SYNPO2: variants seen among roughly 807,000 people sequenced by gnomAD.
SYNPO2 encodes synaptopodin 2.
SYNPO2 carries 56 observed loss-of-function variants against 85.0 expected under a neutral mutation model. The ratio of observed to expected loss-of-function variants is 0.66; its 90% confidence interval spans 0.53 to 0.82. SYNPO2 has a LOEUF of 0.82. SYNPO2 is among the 40% of genes least tolerant of loss of function. The probability of loss-of-function intolerance (pLI) is 0.00; values close to 1 mark genes in which losing one functional copy is unlikely to be tolerated. For synonymous variants in SYNPO2, 602 were observed against 591.1 expected (o/e 1.02, Z -0.27); for missense variants, 1,575 against 1,534.2 (o/e 1.03, Z -0.44).
Position 119,030,830 on chromosome 4 carries a change from G to T in SYNPO2, c.2055G>T (p.Gln685His). The T allele has an allele frequency of 6.2e-7, 1 of 1,614,132 alleles. No homozygotes were observed. Among genetic ancestry groups the T allele is most frequent in the South Asian group, 1.1e-5 (1 of 91,070 alleles). Residue 685 changes from glutamine (Q) to histidine (H), a missense_variant, in exon 4 of 5, where the codon CAG becomes CAT. Physicochemically the swap from Gln to His is conservative, Grantham distance 24 (BLOSUM62 0). Coordinates refer to ENST00000307142, the MANE Select transcript of SYNPO2 (RefSeq NM_133477.3). ...CAGCAAAAAGAACAGGAATATTGCAGGAGGCCAAAAGGAGAAGCACGACAA... is the reference window on the plus strand; with the variant it reads ...CAGCAAAAAGAACAGGAATATTGCATGAGGCCAAAAGGAGAAGCACGACAA... ...SVPAKRTGILQEAKRRSTTKP... is the reference protein window; with the variant it reads ...SVPAKRTGILHEAKRRSTTKP...
At chr4:118,927,697 GAGATAGAT>G (rs70944821) in intron 1 of SYNPO2, among the ~76,000 whole-genome samples, 2,277 of 124,598 alleles carry the variant, frequency 0.018, 44 homozygotes, top group Non-Finnish European at 0.022. Context: ...ATTAAACAAT[GAGATAGAT>G]AGATAGATAG....
At position 119,057,903 on chromosome 4, in the gene SYNPO2, C is replaced by T. The variant is rs140963106; in HGVS notation, c.3755C>T (p.Pro1252Leu). Residue 1252 changes from proline to leucine, a missense_variant, in exon 5 of 5, where the codon CCA (proline) becomes CTA (leucine). Transcript: ENST00000307142. ...CCAGTAGCTGATTACAACTACAACC[C>T]ACACCCAAGGGGATGGAGACGCCAA... ...CLPVADYNYN[P>L]HPRGWRRQT 1.1e-4 allele frequency: 171 copies of T among 1,613,908 alleles called. No homozygotes were observed. Among genetic ancestry groups the T allele is most frequent in the Non-Finnish European group, 1.4e-4 (164 of 1,179,926 alleles).
At chr4:118,964,681 T>A (rs1350700944) in intron 1 of SYNPO2, among the ~76,000 whole-genome samples, 1 of 152,164 alleles carries the variant, frequency 6.6e-6, no homozygotes, top group Non-Finnish European at 1.5e-5. Flanking sequence ...TTGATTTTTT[T>A]TCTCATTAAT....
chr4:119,027,412 C>A lies in SYNPO2; in HGVS notation c.1043C>A (p.Pro348His). The A allele has an allele frequency of 6.2e-7, 1 of 1,603,930 alleles. No homozygotes were observed. The highest frequency in any genetic ancestry group is 1.1e-5 in the South Asian group (1 of 90,864). The change falls in exon 3 of 5, where the codon CCT becomes CAT. Residue 348 changes from proline (P) to histidine (H), a missense_variant. Coordinates refer to ENST00000307142, the MANE Select transcript of SYNPO2 (RefSeq NM_133477.3). Reference protein sequence around the residue: ...DPRSEKDHSRPHKHRARHARL... With the variant: ...DPRSEKDHSRHHKHRARHARL... ...CGCTCGGAAAAAGATCACAGCAGAC[C>A]TCACAAGCACCGAGCGCGGCATGCA...
intron 1 of SYNPO2, among the ~76,000 whole-genome samples, chr4:118,961,765 A>G (rs1735105302): frequency 6.6e-6 from 1 of 152,214 alleles, no homozygotes. Flanking sequence ...CAAATCACGG[A>G]CATACAAATG....
intron 1 of SYNPO2, among the ~76,000 whole-genome samples, chr4:118,870,379 A>G (rs1388152008): frequency 1.3e-5 from 2 of 152,210 alleles, no homozygotes; most frequent in East Asian, 1.9e-4. Flanking sequence ...AGCAGTTGTT[A>G]TATGTCAGGC....
intron 4 of SYNPO2, among the ~76,000 whole-genome samples, chr4:119,044,447 A>T (rs976030555): frequency 1.3e-5 from 2 of 152,098 alleles, no homozygotes; most frequent in Admixed American, 1.3e-4. Flanking sequence ...ATTGAGCATA[A>T]TTTTTTTCTA....
chr4:118,884,906 A>G (rs1280269159), upstream of SYNPO2, among the ~76,000 whole-genome samples: 1 of 152,184 alleles, frequency 6.6e-6, no homozygotes, highest in Non-Finnish European at 1.5e-5. Context: ...AGAGACCTTT[A>G]GACTGAGAGG....
chr4:119,031,042 C>T lies in SYNPO2; in HGVS notation c.2267C>T (p.Pro756Leu), dbSNP rs1738227459. ...AGCTCCTCTGCCAAACAAAAGACCC[C>T]TCCTCCTGTTGCTCCAAAACCTGCA... is the stretch of plus-strand genomic sequence containing the variant. The part of the protein sequence containing the change: ...MQSSSAKQKT[P>L]PPVAPKPAVK... Residue 756 changes from proline (P) to leucine (L), a missense_variant, in exon 4 of 5, where the codon CCT becomes CTT. By Grantham distance (98) the Pro-to-Leu change is moderately conservative (BLOSUM62 -3). Transcript: ENST00000307142. 1 of 1,613,944 alleles carries T rather than the reference C, an allele frequency of 6.2e-7. No individual in the cohort carries two copies. Among genetic ancestry groups the T allele is most frequent in the Non-Finnish European group, 8.5e-7 (1 of 1,180,016 alleles).
intron 1 of SYNPO2, among the ~76,000 whole-genome samples, chr4:118,891,414 C>T (rs1289474449): frequency 6.6e-6 from 1 of 152,152 alleles, no homozygotes; most frequent in African/African-American, 2.4e-5. Flanking sequence ...GACTAAAGAG[C>T]TATCTATAGA....
At chr4:118,951,097 T>C (rs964101938) in intron 1 of SYNPO2, among the ~76,000 whole-genome samples, 1 of 152,226 alleles carries the variant, frequency 6.6e-6, no homozygotes, top group African/African-American at 2.4e-5. Flanking sequence ...GTCTTATTTC[T>C]CTGTGTGCTT....
rs1578505794 is a variant in SYNPO2 at position 118,864,948 on chromosome 4, G to A, written c.12+14008G>A. Among the ~76,000 whole-genome samples the A allele has an allele frequency of 2.6e-5, 4 of 152,068 alleles. No individual in the cohort carries two copies. In the South Asian group the frequency reaches 8.3e-4, roughly 31 times the overall value. ...TTTCTATTTATTACTGGCTCTATTA[G>A]TAAATAATTGAAAAGCAAATATGAA... On this transcript the variant is annotated intron_variant, in intron 1 of 4. Transcript: ENST00000610556.
At chr4:119,034,140 T>G in intron 4 of SYNPO2, 1 of 985,472 alleles carries the variant, frequency 1.0e-6, no homozygotes, top group Non-Finnish European at 1.2e-6. Flanking sequence ...AAAGGAAATC[T>G]GTTGAATGCT....
intron 1 of SYNPO2, among the ~76,000 whole-genome samples, chr4:118,989,590 G>A (rs1736335579): frequency 6.6e-6 from 1 of 152,166 alleles, no homozygotes; most frequent in Admixed American, 6.5e-5. Flanking sequence ...AGTGACTTCA[G>A]CTGCAAGTAA....
rs1459058 is a variant in SYNPO2 at position 119,023,456 on chromosome 4, G to T, written c.132G>T (p.Gly44=). 778,616 of 1,612,922 alleles carry T rather than the reference G, an allele frequency of 0.48. 191,868 individuals are homozygous for T. Among genetic ancestry groups the T allele is most frequent in the South Asian group, 0.53 (47,743 of 90,926 alleles). Reference sequence around the variant, plus strand: ...TTCGAAATCAGAGCAAAGCCTCTGGGTCTGGGCTCTGTGAGGGAGATGAAG... The same window carrying T: ...TTCGAAATCAGAGCAAAGCCTCTGGTTCTGGGCTCTGTGAGGGAGATGAAG... ...AKIRNQSKAS[G]SGLCEGDEVV... The change falls in exon 2 of 5, where the codon GGG becomes GGT. Residue 44 remains glycine, a synonymous_variant. Transcript: ENST00000307142.
intron 1 of SYNPO2, among the ~76,000 whole-genome samples, chr4:118,861,220 T>A (rs1482189807): frequency 6.6e-6 from 1 of 152,130 alleles, no homozygotes; most frequent in African/African-American, 2.4e-5. Flanking sequence ...GAGTGCGATC[T>A]CGACTCACTG....
chr4:118,994,490 A>T (rs1736517327), intron 1 of SYNPO2, among the ~76,000 whole-genome samples: 2 of 152,218 alleles, frequency 1.3e-5, no homozygotes, highest in Non-Finnish European at 1.5e-5. Flanking sequence ...GAATTGAGAG[A>T]TGGAGTGACA....
chr4:118,917,969 A>G (rs1733408349), intron 1 of SYNPO2, among the ~76,000 whole-genome samples: 1 of 152,192 alleles, frequency 6.6e-6, no homozygotes, highest in African/African-American at 2.4e-5. Context: ...CTAAATTCAA[A>G]GAACAAAAAA....
chr4:118,886,008 A>G (rs918655914), upstream of SYNPO2, among the ~76,000 whole-genome samples: 6 of 152,210 alleles, frequency 3.9e-5, no homozygotes, highest in African/African-American at 1.4e-4. Flanking sequence ...GAAAATAAAT[A>G]CAACATTATA....
Sources: gnomAD v4.1 joint callset for allele counts (sites outside exome capture counted in the v4.1 genomes callset) on GRCh38, gnomAD v4.1.1 for gene constraint, MANE v1.5 for transcripts, NCBI Gene and HGNC (gene_info 2026-07-23, HGNC 2026-07-21) for gene names.